Variants in CR1 observed in about 807,000 individuals in gnomAD.
CR1 encodes the protein complement C3b/C4b receptor 1 (Knops blood group).
A neutral mutation model predicts 187.3 loss-of-function variants in CR1; 116 were observed. The observed-to-expected ratio is 0.62, with a 90% CI of 0.53 to 0.72. The LOEUF is 0.72. Among genes scored for constraint, CR1 ranks in the 30% least tolerant of loss-of-function variants. CR1 has a pLI of 0.00. For synonymous variants in CR1, 576 were observed against 747.1 expected (o/e 0.77, Z 3.73); for missense variants, 1,731 against 2,110.7 (o/e 0.82, Z 3.52).
chr1:207,611,779 A>G lies in CR1; in HGVS notation c.6398A>G (p.Tyr2133Cys), dbSNP rs1337815492. 5 of 1,613,814 alleles carry G rather than the reference A, an allele frequency of 3.1e-6. No individual in the cohort carries two copies. The highest frequency in any genetic ancestry group is 1.7e-5 in the Admixed American group (1 of 60,002). The change falls in exon 38 of 47, where the codon TAT becomes TGT. Residue 2133 changes from tyrosine to cysteine, a missense_variant. Coordinates refer to ENST00000367049, the MANE Select transcript of CR1 (RefSeq NM_000651.6). ...GTGTTCTACAGCTGTGAGCCCAGCTATGACCTCAGAGGGGCTGCGTCTCTG... is the reference window on the plus strand; with the variant it reads ...GTGTTCTACAGCTGTGAGCCCAGCTGTGACCTCAGAGGGGCTGCGTCTCTG... ...QEVFYSCEPS[Y>C]DLRGAASLHC...
chr1:207,633,942 A>G (rs1171826100), intron 46 of CR1, among the ~76,000 whole-genome samples: 2 of 152,144 alleles, frequency 1.3e-5, no homozygotes, highest in Admixed American at 6.6e-5. Flanking sequence ...TGGCGGGCAG[A>G]AGTGGGGGTC....
chr1:207,591,822 C>T (rs1056672989), intron 35 of CR1, among the ~76,000 whole-genome samples: 14 of 152,222 alleles, frequency 9.2e-5, no homozygotes, highest in Admixed American at 2.0e-4. Context: ...AACACCTCTA[C>T]GCAAATAAAC....
Position 207,567,940 on chromosome 1 carries a change from G to C in CR1, c.4069G>C (p.Gly1357Arg). 1 of 1,610,558 alleles carries C rather than the reference G, an allele frequency of 6.2e-7. No individual in the cohort carries two copies. ...CACATGCGACCCCCACCCAGACAGA[G>C]GGACGAGCTTCGACCTCATTGGAGA... ...NYTCDPHPDR[G>R]TSFDLIGEST... The change falls in exon 25 of 47, where the codon GGG becomes CGG. Residue 1357 changes from glycine to arginine, a missense_variant. Around this residue, in one of 5 missense-constraint regions of CR1, gnomAD observed 1,312 missense variants for 1,379.6 expected, o/e 0.95. Transcript: ENST00000367049.
rs553021757 is a variant in CR1, at chr1:207,516,567, C to T, written c.487+4913C>T. 6.6e-5 allele frequency among the ~76,000 whole-genome samples: 10 copies of T among 152,250 alleles called. 1 individual carries two copies. In the South Asian group the frequency reaches 1.5e-3, roughly 22 times the overall value. ...TGAATTTGTATTAAGTTTCTGTTGA[C>T]TCAGTAGATCAATTTGTGGACAAGT... On this transcript the variant is annotated intron_variant, in intron 4 of 46. Coordinates refer to ENST00000367049, the MANE Select transcript of CR1 (RefSeq NM_000651.6).
At chr1:207,575,718 G>T (rs371767345) in intron 28 of CR1, 38 bp downstream of exon 28, 392 of 1,611,252 alleles carry the variant, frequency 2.4e-4, no homozygotes, top group Admixed American at 1.6e-3. Context: ...CCCCACCATT[G>T]AATCCTAGAG....
intron 31 of CR1, 42 bp from the exon 32 acceptor site, chr1:207,581,876 G>C (rs778108377): frequency 1.3e-5 from 18 of 1,358,936 alleles, no homozygotes; most frequent in East Asian, 2.3e-5. Flanking sequence ...AGGGAAGAGA[G>C]AAATGGTGCA....
intron 4 of CR1, among the ~76,000 whole-genome samples, chr1:207,520,704 T>C (rs144068823): frequency 6.5e-4 from 99 of 152,326 alleles, no homozygotes; most frequent in Non-Finnish European, 1.3e-3. Context: ...TTCCTTCTTA[T>C]TGCAATTCTG....
intron 32 of CR1, among the ~76,000 whole-genome samples, 154 bp from the exon 33 acceptor site, chr1:207,584,495 A>G (rs1350547142): frequency 6.6e-6 from 1 of 152,232 alleles, no homozygotes; most frequent in African/African-American, 2.4e-5. Flanking sequence ...CCATCTTAGC[A>G]GAGGCCTAAT....
intron 40 of CR1, 55 bp from the exon 41 acceptor site, chr1:207,616,520 T>C: frequency 6.4e-7 from 1 of 1,571,386 alleles, no homozygotes; most frequent in Non-Finnish European, 8.7e-7. Flanking sequence ...CACTATTGTT[T>C]CAGTCATCTT....
chr1:207,523,080 C>T (rs1660047670), intron 4 of CR1, among the ~76,000 whole-genome samples: 1 of 151,944 alleles, frequency 6.6e-6, no homozygotes, highest in Non-Finnish European at 1.5e-5. Context: ...TTTGTATTTC[C>T]ATTTATATCA....
Position 207,506,569 on chromosome 1 carries a change from G to A in CR1, c.302-145G>A, listed in dbSNP as rs190816585. The stretch of plus-strand genomic sequence containing the variant: ...GGAGCTGATCCTGAGGCAGTCTGGT[G>A]AGTTTCCTCAAGGTAGCAAAATCTG... On this transcript the variant is annotated intron_variant, in intron 2 of 46. Transcript: ENST00000367049. 279 of 676,654 alleles carry A rather than the reference G, an allele frequency of 4.1e-4. 3 individuals are homozygous for A. The East Asian group carries it at 7.6e-3, about 18-fold the overall frequency. The allele number at this position is 676,654 out of a possible 1,614,324, so 41.9% of individuals were successfully genotyped here.
At position 207,578,177 on chromosome 1, in the gene CR1, A is replaced by C; in HGVS notation, c.4910A>C (p.Glu1637Ala). Residue 1637 changes from glutamate to alanine, a missense_variant, in exon 29 of 47, where the codon GAG becomes GCG. By Grantham distance (107) the Glu-to-Ala change is moderately radical (BLOSUM62 -1). Coordinates refer to ENST00000367049, the MANE Select transcript of CR1 (RefSeq NM_000651.6). ...RVKCQALNKW[E>A]PELPSCSRVC... The stretch of plus-strand genomic sequence containing the variant: ...AAGTGCCAGGCCCTGAACAAATGGG[A>C]GCCAGAGTTACCAAGCTGCTCCAGG... The C allele has an allele frequency of 6.2e-7, 1 of 1,611,858 alleles. No individual in the cohort carries two copies. The highest frequency in any genetic ancestry group is 1.3e-5 in the African/African-American group (1 of 74,990).
intron 45 of CR1, among the ~76,000 whole-genome samples, chr1:207,627,259 T>A (rs1173485059): frequency 6.6e-6 from 1 of 152,178 alleles, no homozygotes; most frequent in African/African-American, 2.4e-5. Flanking sequence ...TTCTCTTTTA[T>A]TATAATTAAT....
At chr1:207,505,841 AG>A in intron 1 of CR1, 62 bp from the exon 2 acceptor site, 1 of 1,542,214 alleles carries the variant, frequency 6.5e-7, no homozygotes, top group Admixed American at 2.0e-5. Context: ...GTCTCAAAAA[AG>A]AAAAAAAAAA....
chr1:207,579,220 A>C (rs554809534), intron 29 of CR1, among the ~76,000 whole-genome samples: 1 of 152,294 alleles, frequency 6.6e-6, no homozygotes, highest in South Asian at 2.1e-4. Flanking sequence ...TGTGTTTTTG[A>C]TGGCTCATCT....
chr1:207,610,335 G>GTTTT (rs1216198342), intron 37 of CR1, among the ~76,000 whole-genome samples: 5 of 151,996 alleles, frequency 3.3e-5, no homozygotes, highest in African/African-American at 1.2e-4. Flanking sequence ...TTGTTTGTTT[G>GTTTT]TTTGTATGTT....
chr1:207,503,812 A>T (rs1423407930), intron 1 of CR1, among the ~76,000 whole-genome samples: 4 of 152,216 alleles, frequency 2.6e-5, no homozygotes, highest in Non-Finnish European at 5.9e-5. Context: ...ATAGATTCTC[A>T]AAATTTTAGC....
intron 40 of CR1, among the ~76,000 whole-genome samples, chr1:207,614,898 C>T (rs1363154903): frequency 6.6e-6 from 1 of 152,154 alleles, no homozygotes; most frequent in South Asian, 2.1e-4. Flanking sequence ...CAGCCTCAAC[C>T]TCCTGGGCTC....
chr1:207,606,046 C>T (rs1219051009), intron 35 of CR1: 1 of 152,182 alleles, frequency 6.6e-6, no homozygotes, highest in African/African-American at 2.4e-5. Flanking sequence ...TTACTTCTGT[C>T]TCAGGTTAAA....
Sources: allele counts gnomAD v4.1 joint callset (sites outside exome capture counted in the v4.1 genomes callset), GRCh38; gene constraint gnomAD v4.1.1; regional missense constraint gnomAD v4.1.1; transcripts MANE v1.5; gene names NCBI Gene and HGNC (gene_info 2026-07-23, HGNC 2026-07-21).